The following ACSM3 variants were observed in gnomAD, a reference collection of about 807,000 sequenced individuals.
ACSM3 encodes acyl-coenzyme A synthetase ACSM3, mitochondrial.
ACSM3 carries 61 observed loss-of-function variants against 74.1 expected under a neutral mutation model. The observed-to-expected ratio is 0.82, with a 90% CI of 0.67 to 1.02. The LOEUF is 1.02. Among genes scored for constraint, ACSM3 ranks in the 50% least tolerant of loss-of-function variants. ACSM3 has a pLI of 0.00. For missense variants in ACSM3, 660 were observed against 697.0 expected (o/e 0.95, Z 0.60); for synonymous variants, 213 against 241.5 (o/e 0.88, Z 1.09).
rs78204464 is a variant in ACSM3 at position 20,711,733 on chromosome 16, C to G, written c.-190+36911C>G. ...CTGCCAGCAACAACACAAATTATTGCTACATCTTGGAATATCTTTGCCTCC... is the reference window on the plus strand; with the variant it reads ...CTGCCAGCAACAACACAAATTATTGGTACATCTTGGAATATCTTTGCCTCC... On this transcript the variant is annotated intron_variant, in intron 1 of 3. Transcript: ENST00000561584. 2.9e-3 allele frequency: 1,226 copies of G among 416,228 alleles called. 23 individuals carry two copies. Among genetic ancestry groups the G allele is most frequent in the African/African-American group, 0.023 (1,106 of 48,342 alleles). 25.8% of individuals were successfully genotyped at this position (416,228 alleles called of 1,614,324 possible). A position where few individuals can be genotyped will look rare whatever the true frequency, so the allele number is the denominator to read the frequency against.
intron 1 of ACSM3, among the ~76,000 whole-genome samples, chr16:20,766,170 T>C (rs566402365): frequency 6.6e-6 from 1 of 152,290 alleles, no homozygotes; most frequent in East Asian, 1.9e-4. Context: ...TCACAACCAC[T>C]TAAAAATACT....
chr16:20,779,328 G>A (rs1295211791), intron 4 of ACSM3, among the ~76,000 whole-genome samples: 1 of 151,216 alleles, frequency 6.6e-6, no homozygotes, highest in Non-Finnish European at 1.5e-5. Flanking sequence ...GGAGGCTGAG[G>A]TAGGAAGATC....
chr16:20,680,683 G>A (rs1335122840), intron 1 of ACSM3: 2 of 152,216 alleles, frequency 1.3e-5, no homozygotes, highest in Non-Finnish European at 2.9e-5. Flanking sequence ...GTATTATGAT[G>A]AGACTAAAAA....
chr16:20,786,484 C>T (rs796622602), intron 9 of ACSM3, among the ~76,000 whole-genome samples: 13 of 152,308 alleles, frequency 8.5e-5, no homozygotes, highest in African/African-American at 2.9e-4. Flanking sequence ...AGTTCAAGAC[C>T]AGCCTGGGCA....
chr16:20,792,543 G>A, intron 12 of ACSM3: 1 of 985,354 alleles, frequency 1.0e-6, no homozygotes, highest in Non-Finnish European at 1.2e-6. Context: ...ACAAAATAAG[G>A]CTGAAAATAC....
intron 1 of ACSM3, among the ~76,000 whole-genome samples, chr16:20,739,369 T>C (rs886916873): frequency 1.3e-5 from 2 of 150,436 alleles, no homozygotes; most frequent in Non-Finnish European, 3.0e-5. Context: ...AGAGATGGGG[T>C]TTCGCCATGT....
intron 1 of ACSM3, among the ~76,000 whole-genome samples, chr16:20,692,769 A>G (rs186540983): frequency 2.0e-5 from 3 of 152,322 alleles, no homozygotes; most frequent in Non-Finnish European, 4.4e-5. Context: ...TCTGATTGGA[A>G]AGTAAGTCTT....
intron 1 of ACSM3, among the ~76,000 whole-genome samples, chr16:20,699,360 G>A (rs1171369064): frequency 6.6e-6 from 1 of 152,166 alleles, no homozygotes; most frequent in Non-Finnish European, 1.5e-5. Flanking sequence ...AAGCTGGGAA[G>A]AAATTATTTC....
rs150520129 is a variant in ACSM3, at chr16:20,736,891, C to A, written c.-189-13019C>A. On this transcript the variant is annotated intron_variant, in intron 1 of 3. Transcript: ENST00000561584. ...CACCAAATGACTTCCTATGAGAAGT[C>A]ATTTTCATTTGACTTGGATCCTTCT... The A allele has an allele frequency of 2.5e-5, 40 of 1,613,748 alleles. No homozygotes were observed. The African/African-American group carries it at 5.1e-4, about 20-fold the overall frequency.
At chr16:20,732,990 G>T (rs2152410253) in intron 1 of ACSM3, 1 of 155,880 alleles carries the variant, frequency 6.4e-6, no homozygotes. Context: ...GACGAACATA[G>T]CTTGATAAAA....
In ACSM3 at chr16:20,685,844, AAAC is replaced by A. The variant is rs1292367225; in HGVS notation, c.-190+11025_-190+11027del. 1.2e-3 allele frequency among the ~76,000 whole-genome samples: 142 copies of A among 123,092 alleles called. 26 individuals are homozygous for A. Among genetic ancestry groups the A allele is most frequent in the South Asian group, 3.4e-3 (12 of 3,540 alleles). The allele number at this position is 123,092 out of a possible 152,430, so 80.8% of individuals were successfully genotyped here. On this transcript the variant is annotated intron_variant, in intron 1 of 3. Coordinates refer to the ACSM3 transcript ENST00000561584. ...CAAAAAAAAAAAACAAACAAAAAAA[AAAC>A]AAAAAACTTATAGCATCAGGAGAGG...
At chr16:20,760,893 AG>A (rs535512355), upstream of ACSM3, among the ~76,000 whole-genome samples, 2,565 of 152,264 alleles carry the variant, frequency 0.017, 29 homozygotes, top group Non-Finnish European at 0.026. Context: ...TGCTACCTGG[AG>A]GCTTCATCTA....
intron 1 of ACSM3, chr16:20,737,766 C>T: frequency 6.2e-7 from 1 of 1,613,812 alleles, no homozygotes; most frequent in Non-Finnish European, 8.5e-7. Flanking sequence ...GAGATTTGTA[C>T]ACAATCTGAA....
rs753211361 is a variant in ACSM3, at chr16:20,685,364, TCA to T, written c.-190+10544_-190+10545del. The T allele has an allele frequency of 3.2e-4, 510 of 1,614,174 alleles. 1 individual carries two copies. Among genetic ancestry groups the T allele is most frequent in the Admixed American group, 2.7e-3 (164 of 60,020 alleles). On this transcript the variant is annotated intron_variant, in intron 1 of 3. Coordinates refer to the ACSM3 transcript ENST00000561584. ...CACTTTACTTCATCCCCTTGGCCATTCACCCACCAAAAAGCTGGATTTGGACC... is the reference window on the plus strand; with the variant it reads ...CACTTTACTTCATCCCCTTGGCCATTCCCACCAAAAAGCTGGATTTGGACC...
intron 9 of ACSM3, chr16:20,789,447 A>G (rs914418797): frequency 4.7e-6 from 7 of 1,476,740 alleles, no homozygotes; most frequent in Non-Finnish European, 6.6e-6. Flanking sequence ...GATTGGAGAG[A>G]GGGTAAGAGA....
chr16:20,685,786 C>T (rs963375898), intron 1 of ACSM3, among the ~76,000 whole-genome samples: 7 of 143,630 alleles, frequency 4.9e-5, no homozygotes, highest in Non-Finnish European at 7.5e-5. Context: ...CACCATTGCA[C>T]TCCAGCCTGG....
intron 9 of ACSM3, chr16:20,789,613 TAATC>T (rs1327787509): frequency 2.4e-6 from 3 of 1,226,190 alleles, no homozygotes; most frequent in Non-Finnish European, 3.6e-6. Context: ...GAGGAAAAGA[TAATC>T]AAGACCTATT....
intron 1 of ACSM3, among the ~76,000 whole-genome samples, chr16:20,694,170 T>C (rs2079677699): frequency 1.3e-5 from 2 of 152,202 alleles, no homozygotes; most frequent in South Asian, 4.1e-4. Context: ...TTTGCCTCTT[T>C]AAAAAAGTTC....
intron 12 of ACSM3, among the ~76,000 whole-genome samples, chr16:20,794,163 G>C (rs1365400674): frequency 6.6e-6 from 1 of 152,210 alleles, no homozygotes; most frequent in African/African-American, 2.4e-5. Context: ...TTCTACCTGG[G>C]TTAGGTCCTT....
Sources: gnomAD v4.1 joint callset for allele counts (sites outside exome capture counted in the v4.1 genomes callset) on GRCh38, gnomAD v4.1.1 for gene constraint, MANE v1.5 for transcripts, NCBI Gene and HGNC (gene_info 2026-07-23, HGNC 2026-07-21) for gene names.